Variants in CFLAR observed in about 807,000 individuals in gnomAD.
CFLAR encodes CASP8 and FADD-like apoptosis regulator.
A neutral mutation model predicts 51.1 loss-of-function variants in CFLAR; 14 were observed. The ratio of observed to expected loss-of-function variants is 0.27; its 90% CI spans 0.18 to 0.43. The LOEUF (loss-of-function observed/expected upper bound fraction) is 0.43, where lower values mean the gene tolerates loss of function less well. Among genes scored for constraint, CFLAR ranks in the 20% least tolerant of loss-of-function variants. The probability of loss-of-function intolerance (pLI) is 1.00; values close to 1 mark genes in which losing one functional copy is unlikely to be tolerated. For synonymous variants in CFLAR, 210 were observed against 211.6 expected (o/e 0.99, Z 0.06); for missense variants, 390 against 566.5 (o/e 0.69, Z 3.16).
rs1260656270 is a variant in CFLAR, at chr2:201,130,165, C to T, written c.281+19C>T. 28 of 356,016 alleles carry T rather than the reference C, an allele frequency of 7.9e-5. No homozygotes were observed. The highest frequency in any genetic ancestry group is 1.2e-4 in the Non-Finnish European group (25 of 212,344). 22.1% of individuals were successfully genotyped at this position (356,016 alleles called of 1,614,324 possible). On this transcript the variant is annotated intron_variant, in intron 2 of 9. Coordinates refer to ENST00000309955, the MANE Select transcript of CFLAR (RefSeq NM_003879.7). ...ACTATAGGTAATTCATCAACTCTTCCTGAGGCTGGGTGGGTGGGAGGGAGT... is the reference window on the plus strand; with the variant it reads ...ACTATAGGTAATTCATCAACTCTTCTTGAGGCTGGGTGGGTGGGAGGGAGT...
chr2:201,121,435 C>T (rs1015104758), intron 1 of CFLAR, among the ~76,000 whole-genome samples: 7 of 152,106 alleles, frequency 4.6e-5, no homozygotes, highest in South Asian at 2.1e-4. Flanking sequence ...GAACCTAGAA[C>T]GAGGACCCAG....
intron 8 of CFLAR, among the ~76,000 whole-genome samples, chr2:201,155,201 G>A (rs1231722252): frequency 1.3e-5 from 2 of 152,114 alleles, no homozygotes; most frequent in Non-Finnish European, 2.9e-5. Context: ...TTGGCCTAAA[G>A]CTCTGGTTGT....
At chr2:201,153,203 A>C (rs1022523911) in intron 8 of CFLAR, 1 of 151,526 alleles carries the variant, frequency 6.6e-6, no homozygotes, top group African/African-American at 2.4e-5. Context: ...CCACTTATAA[A>C]CCCCCCTGGG....
chr2:201,142,427 C>T (rs189040609), intron 5 of CFLAR, among the ~76,000 whole-genome samples: 86 of 152,136 alleles, frequency 5.7e-4, no homozygotes, highest in Middle Eastern at 3.4e-3. Flanking sequence ...AATGGATTTA[C>T]GGATTATATT....
Position 201,160,559 on chromosome 2 carries a change from C to T in CFLAR, c.921C>T (p.Ser307=), listed in dbSNP as rs200890949. 1 of 1,614,020 alleles carries T rather than the reference C, an allele frequency of 6.2e-7. No homozygotes were observed. The highest frequency in any genetic ancestry group is 1.3e-5 in the African/African-American group (1 of 74,982). ...TGCCCGAGCACCGAGACTACGACAG[C>T]TTTGTGTGTGTCCTGGTGAGCCGAG... ...ACMPEHRDYD[S]FVCVLVSRGG... Residue 307 remains serine, a synonymous_variant, in exon 9 of 10, where the codon AGC becomes AGT. Coordinates refer to ENST00000309955, the MANE Select transcript of CFLAR (RefSeq NM_003879.7).
chr2:201,141,758 C>T (rs1489336901), intron 5 of CFLAR: 5 of 470,446 alleles, frequency 1.1e-5, no homozygotes, highest in Non-Finnish European at 1.1e-5. Context: ...TACAAGGTAT[C>T]GGAATTGTTC....
chr2:201,132,946 T>C (rs2049526298), intron 2 of CFLAR, 83 bp from the exon 3 acceptor site: 1 of 1,470,210 alleles, frequency 6.8e-7, no homozygotes, highest in Admixed American at 1.8e-5. Flanking sequence ...TTTAATCCAT[T>C]GTTGCATAGG....
intron 1 of CFLAR, among the ~76,000 whole-genome samples, chr2:201,128,919 C>T (rs569784578): frequency 3.3e-5 from 5 of 152,250 alleles, no homozygotes; most frequent in Admixed American, 2.6e-4. Context: ...TCCTACCCAG[C>T]CCCCTCCCAG....
At chr2:201,141,271 C>T in intron 5 of CFLAR, 1 of 1,430,320 alleles carries the variant, frequency 7.0e-7, no homozygotes, top group Non-Finnish European at 9.2e-7. Flanking sequence ...TACTGACCTC[C>T]AATTATTTTT....
chr2:201,143,960 AAG>A (rs1373133439), intron 5 of CFLAR, among the ~76,000 whole-genome samples: 1 of 152,192 alleles, frequency 6.6e-6, no homozygotes, highest in Non-Finnish European at 1.5e-5. Context: ...AAAAAAAAAA[AAG>A]AATTTAAAAA....
rs2048503709 is a variant in CFLAR at position 201,124,593 on chromosome 2, C to T, written c.-137-5136C>T. Among the ~76,000 whole-genome samples the T allele has an allele frequency of 6.6e-6, 1 of 152,174 alleles. No homozygotes were observed. The highest frequency in any genetic ancestry group is 2.1e-4 in the South Asian group (1 of 4,836). On this transcript the variant is annotated intron_variant, in intron 1 of 9. Transcript: ENST00000309955. This position sits in a 1 kb window ranked among gnomAD's most constrained non-coding sequence, Gnocchi z 4.7. ...CAAGTGATCCGCCCGCCTTGGCCTC[C>T]CAAAGTGCTGGGATTACAGGTGTGA...
chr2:201,123,076 C>T (rs1425475633), intron 1 of CFLAR, among the ~76,000 whole-genome samples: 1 of 152,218 alleles, frequency 6.6e-6, no homozygotes, highest in Non-Finnish European at 1.5e-5. Flanking sequence ...AAGGGCACTA[C>T]ATCAACTGAT....
In CFLAR at chr2:201,172,964, GAACTGCCA is replaced by G. The variant is rs1187471551; in HGVS notation, c.*8998_*9005del. ...GTAACTCTATGTTTAGCCTTTTGAG[GAACTGCCA>G]AACTGCTTTTCAAAGTAGTAGCATC... On this transcript the variant is annotated 3_prime_UTR_variant, in exon 10 of 10. Transcript: ENST00000309955. 1 of 152,176 alleles carries G rather than the reference GAACTGCCA, an allele frequency of 6.6e-6. No individual in the cohort carries two copies. The highest frequency in any genetic ancestry group is 1.5e-5 in the Non-Finnish European group (1 of 68,026). The allele number at this position is 152,176 out of a possible 1,614,324, so 9.4% of individuals were successfully genotyped here.
intron 6 of CFLAR, chr2:201,146,847 G>A (rs1940291360): frequency 6.6e-6 from 1 of 152,218 alleles, no homozygotes; most frequent in Non-Finnish European, 1.5e-5. Context: ...CTCAGTCTTT[G>A]TGCTATCTGC....
chr2:201,156,389 T>C (rs932349341), intron 8 of CFLAR, among the ~76,000 whole-genome samples: 4 of 152,242 alleles, frequency 2.6e-5, no homozygotes, highest in African/African-American at 9.6e-5. Context: ...TTGCCCATCT[T>C]ATGTTTTACC....
intron 1 of CFLAR, among the ~76,000 whole-genome samples, chr2:201,121,983 C>G (rs2048230527): frequency 1.3e-5 from 2 of 152,180 alleles, no homozygotes; most frequent in Admixed American, 6.5e-5. Flanking sequence ...AAGGTGACAT[C>G]AGATGGTTTA....
intron 9 of CFLAR, 37 bp from the exon 10 acceptor site, chr2:201,163,798 G>C: frequency 6.3e-7 from 1 of 1,586,488 alleles, no homozygotes; most frequent in Non-Finnish European, 8.6e-7. Context: ...TTTGATATTT[G>C]CATGGCATTA....
At chr2:201,133,197 T>G (rs922356618) in intron 3 of CFLAR, 63 bp downstream of exon 3, 8 of 1,232,400 alleles carry the variant, frequency 6.5e-6, no homozygotes, top group Non-Finnish European at 7.1e-6. Context: ...CTACTCTTGT[T>G]GATACAGAGA....
rs894298137 is a variant in CFLAR, at chr2:201,138,978, C to T, written c.524-1379C>T. On this transcript the variant is annotated intron_variant, in intron 4 of 9. Coordinates refer to ENST00000309955, the MANE Select transcript of CFLAR (RefSeq NM_003879.7). This position sits in a 1 kb window ranked among gnomAD's most constrained non-coding sequence, Gnocchi z 4.0. Reference sequence around the variant, plus strand: ...AAGTCGTTGTAGGTGAGTCCCTGGTCACTGGCGAAGAGCTGCTGCACGGTG... The same window carrying T: ...AAGTCGTTGTAGGTGAGTCCCTGGTTACTGGCGAAGAGCTGCTGCACGGTG... 11 of 562,846 alleles carry T rather than the reference C, an allele frequency of 2.0e-5. No homozygotes were observed. Among genetic ancestry groups the T allele is most frequent in the Non-Finnish European group, 3.1e-5 (9 of 291,124 alleles). The allele number at this position is 562,846 out of a possible 1,614,324, so 34.9% of individuals were successfully genotyped here. A position where few individuals can be genotyped will look rare whatever the true frequency, so the allele number is the denominator to read the frequency against.
Sources: allele counts gnomAD v4.1 joint callset (sites outside exome capture counted in the v4.1 genomes callset), GRCh38; gene constraint gnomAD v4.1.1; non-coding constraint Gnocchi (gnomAD v3.1); transcripts MANE v1.5; gene names NCBI Gene and HGNC (gene_info 2026-07-23, HGNC 2026-07-21).